Variants in PPP2R2C observed in about 807,000 individuals in gnomAD.
PPP2R2C encodes the protein protein phosphatase 2 regulatory subunit Bgamma.
PPP2R2C carries 10 observed loss-of-function variants against 45.3 expected under a neutral mutation model. The observed-to-expected ratio is 0.22, with a 90% CI of 0.14 to 0.37. PPP2R2C has a LOEUF of 0.37. Ranked by LOEUF, PPP2R2C falls within the 10% of genes least tolerant of loss-of-function variation. PPP2R2C has a pLI of 1.00. For synonymous variants in PPP2R2C, 257 were observed against 245.4 expected (o/e 1.05, Z -0.44); for missense variants, 308 against 619.7 (o/e 0.50, Z 5.34).
At position 6,368,708 on chromosome 4, in the gene PPP2R2C, A is replaced by G. The variant is rs530585206; in HGVS notation, c.625+3815T>C. 2.6e-5 allele frequency among the ~76,000 whole-genome samples: 4 copies of G among 151,624 alleles called. No homozygotes were observed. In the South Asian group the frequency reaches 8.4e-4, roughly 32 times the overall value. ...ATGACACCTCCATCCTTACAATCTC[A>G]TTCCTCCACCGCCTCCCACCCGTGG... On this transcript the variant is annotated intron_variant, in intron 5 of 8. Transcript: ENST00000382599. This position sits in a 1 kb window ranked among gnomAD's most constrained non-coding sequence, Gnocchi z 4.2.
chr4:6,471,616 G>T lies in PPP2R2C; in HGVS notation c.70+544C>A, dbSNP rs1429773601. ...AGCCGCCTTCTCCCTCCCACTCAGG[G>T]ACCCTGCCTCTGGAGGACAGGGAGG... On this transcript the variant is annotated intron_variant, in intron 1 of 8. Coordinates refer to ENST00000382599, the MANE Select transcript of PPP2R2C (RefSeq NM_020416.4). This position sits in a 1 kb window ranked among gnomAD's most constrained non-coding sequence, Gnocchi z 5.6. 3 of 152,986 alleles carry T rather than the reference G, an allele frequency of 2.0e-5. No individual in the cohort carries two copies. Among genetic ancestry groups the T allele is most frequent in the African/African-American group, 7.2e-5 (3 of 41,440 alleles). The allele number at this position is 152,986 out of a possible 1,614,324, so 9.5% of individuals were successfully genotyped here.
intron 1 of PPP2R2C, among the ~76,000 whole-genome samples, chr4:6,407,113 C>T (rs73798233): frequency 0.012 from 1,800 of 152,260 alleles, 32 homozygotes; most frequent in African/African-American, 0.04. Context: ...CCTACGGACA[C>T]CATGATTTTG....
chr4:6,541,319 C>T (rs887500389), intron 1 of PPP2R2C, among the ~76,000 whole-genome samples: 17 of 152,100 alleles, frequency 1.1e-4, no homozygotes, highest in African/African-American at 3.9e-4. Flanking sequence ...CCTCCATTCT[C>T]CAAAATAGCT....
rs1259209958 is a variant in PPP2R2C at position 6,471,140 on chromosome 4, G to A, written c.70+1020C>T. Among the ~76,000 whole-genome samples the A allele has an allele frequency of 6.6e-6, 1 of 152,164 alleles. No homozygotes were observed. The highest frequency in any genetic ancestry group is 2.4e-5 in the African/African-American group (1 of 41,454). On this transcript the variant is annotated intron_variant, in intron 1 of 8. Coordinates refer to ENST00000382599, the MANE Select transcript of PPP2R2C (RefSeq NM_020416.4). This position sits in a 1 kb window ranked among gnomAD's most constrained non-coding sequence, Gnocchi z 5.6. ...CGCGCACCTGCCCCGCGGGACCCGT[G>A]CCCAGGGCCCCTCCCACTGGGGCAC...
At chr4:6,562,655 A>T (rs897941206) in intron 1 of PPP2R2C, among the ~76,000 whole-genome samples, 4 of 152,172 alleles carry the variant, frequency 2.6e-5, no homozygotes, top group African/African-American at 9.7e-5. Flanking sequence ...TACCCCCCAT[A>T]GGCCTCTTCT....
chr4:6,409,873 T>C (rs1156857122), intron 1 of PPP2R2C, among the ~76,000 whole-genome samples: 1 of 152,196 alleles, frequency 6.6e-6, no homozygotes, highest in African/African-American at 2.4e-5. Context: ...CCCCTCTGCC[T>C]GGAACACCCT....
intron 1 of PPP2R2C, among the ~76,000 whole-genome samples, chr4:6,539,689 T>TG (rs985117690): frequency 7.9e-5 from 12 of 152,068 alleles, no homozygotes; most frequent in Non-Finnish European, 1.3e-4. Flanking sequence ...GGCAAGTGCG[T>TG]GGGGAAATGG....
chr4:6,333,536 TG>T (rs1388728958), intron 7 of PPP2R2C, 25 bp downstream of exon 7: 1 of 1,605,816 alleles, frequency 6.2e-7, no homozygotes, highest in Middle Eastern at 1.7e-4. Flanking sequence ...GACCCGGGAT[TG>T]GGGGTCTCCT....
chr4:6,446,814 G>A (rs1312404122), intron 1 of PPP2R2C, among the ~76,000 whole-genome samples: 2 of 152,068 alleles, frequency 1.3e-5, no homozygotes, highest in Non-Finnish European at 2.9e-5. Flanking sequence ...GATGACAAAA[G>A]GGAGGCTCAG....
chr4:6,413,191 A>G (rs1718301880), intron 1 of PPP2R2C, among the ~76,000 whole-genome samples: 1 of 152,202 alleles, frequency 6.6e-6, no homozygotes, highest in South Asian at 2.1e-4. Context: ...TCACATTCAC[A>G]CACACGCCAA....
At chr4:6,400,473 A>G (rs1252708452) in intron 1 of PPP2R2C, among the ~76,000 whole-genome samples, 1 of 152,262 alleles carries the variant, frequency 6.6e-6, no homozygotes, top group Non-Finnish European at 1.5e-5. Context: ...TGAAGGATAT[A>G]GCCCACATAC....
At chr4:6,487,958 A>G (rs554564870) in intron 2 of PPP2R2C, among the ~76,000 whole-genome samples, 2 of 152,034 alleles carry the variant, frequency 1.3e-5, no homozygotes, top group South Asian at 4.2e-4. Context: ...GATAGTTTCT[A>G]TTGCTGTCTT....
chr4:6,395,457 G>A (rs1036055195), intron 1 of PPP2R2C, among the ~76,000 whole-genome samples: 1 of 152,216 alleles, frequency 6.6e-6, no homozygotes, highest in Non-Finnish European at 1.5e-5. Flanking sequence ...TCCAGGGTAA[G>A]GCTGGTTTCC....
chr4:6,395,125 T>C (rs59956153), intron 1 of PPP2R2C, among the ~76,000 whole-genome samples: 12,515 of 152,126 alleles, frequency 0.082, 634 homozygotes, highest in African/African-American at 0.14. Flanking sequence ...AGGACTTTTC[T>C]AAAATGAAAA....
intron 1 of PPP2R2C, among the ~76,000 whole-genome samples, chr4:6,553,481 T>C (rs921562443): frequency 2.0e-5 from 3 of 152,184 alleles, no homozygotes; most frequent in African/African-American, 7.2e-5. Flanking sequence ...AACGGTATCA[T>C]TGAGGGAGAC....
chr4:6,558,084 G>C (rs1725467684), intron 1 of PPP2R2C, among the ~76,000 whole-genome samples: 1 of 152,178 alleles, frequency 6.6e-6, no homozygotes, highest in Non-Finnish European at 1.5e-5. Flanking sequence ...CTGGCGGTGA[G>C]ACTTGGGGCA....
intron 6 of PPP2R2C, among the ~76,000 whole-genome samples, chr4:6,339,749 G>A (rs1489130969): frequency 6.6e-6 from 1 of 152,226 alleles, no homozygotes; most frequent in Non-Finnish European, 1.5e-5. Context: ...TGGAGGGGGA[G>A]GGGCCTATGG....
chr4:6,511,522 G>T (rs1332015001), intron 2 of PPP2R2C, among the ~76,000 whole-genome samples: 1 of 12,930 alleles, frequency 7.7e-5, no homozygotes, highest in African/African-American at 2.0e-4. Flanking sequence ...GGTGGTGGTG[G>T]TGATGGTGGT....
chr4:6,506,239 C>G (rs1723226030), intron 2 of PPP2R2C, among the ~76,000 whole-genome samples: 1 of 152,134 alleles, frequency 6.6e-6, no homozygotes, highest in Non-Finnish European at 1.5e-5. Flanking sequence ...GTGATAAAAA[C>G]TTCCAATATC....
Sources: allele counts gnomAD v4.1 joint callset (sites outside exome capture counted in the v4.1 genomes callset), GRCh38; gene constraint gnomAD v4.1.1; non-coding constraint Gnocchi (gnomAD v3.1); transcripts MANE v1.5; gene names NCBI Gene and HGNC (gene_info 2026-07-23, HGNC 2026-07-21).